Variants in SEC22C observed in about 807,000 individuals in gnomAD.
SEC22C encodes the protein vesicle-trafficking protein SEC22c.
In SEC22C, 29 loss-of-function variants were observed where a neutral mutation model predicts 34.7. That is an observed-to-expected ratio of 0.84 (90% CI 0.62 to 1.14). The LOEUF is 1.14. Ranked by LOEUF, SEC22C falls within the 50% of genes most tolerant of loss-of-function variation. The probability of loss-of-function intolerance (pLI) is 0.00; values close to 1 mark genes in which losing one functional copy is unlikely to be tolerated. For missense variants in SEC22C, 337 were observed against 369.0 expected (o/e 0.91, Z 0.71); for synonymous variants, 117 against 132.8 (o/e 0.88, Z 0.82).
At position 42,552,160 on chromosome 3, in the gene SEC22C, TTA is replaced by T; in HGVS notation, c.*1086_*1087del. ...AGTAACTTTCCAGAGTATGTGTTAA[TTA>T]TATCTCTATCAAGCTTTAAAAAGTT... On this transcript the variant is annotated 3_prime_UTR_variant, in exon 7 of 7. Coordinates refer to ENST00000264454, the MANE Select transcript of SEC22C (RefSeq NM_032970.4). 2 of 985,350 alleles carry T rather than the reference TTA, an allele frequency of 2.0e-6. No individual in the cohort carries two copies. Among genetic ancestry groups the T allele is most frequent in the Non-Finnish European group, 2.4e-6 (2 of 829,824 alleles). 61.0% of individuals were successfully genotyped at this position (985,350 alleles called of 1,614,324 possible).
Position 42,555,926 on chromosome 3 carries a change from C to T in SEC22C, c.711+4G>A. 3 of 1,611,602 alleles carry T rather than the reference C, an allele frequency of 1.9e-6. No individual in the cohort carries two copies. Among genetic ancestry groups the T allele is most frequent in the Non-Finnish European group, 2.5e-6 (3 of 1,178,080 alleles). On this transcript the variant is annotated splice_donor_region_variant and intron_variant, in intron 6 of 6. Coordinates refer to ENST00000264454, the MANE Select transcript of SEC22C (RefSeq NM_032970.4). Reference sequence around the variant, plus strand: ...TCCACTGACCAAAATATCGTTTCACCCACCTGGAAAATGCAGGCTACGAAA... The same window carrying T: ...TCCACTGACCAAAATATCGTTTCACTCACCTGGAAAATGCAGGCTACGAAA...
chr3:42,572,596 C>A (rs1168708011), intron 1 of SEC22C, among the ~76,000 whole-genome samples: 1 of 152,210 alleles, frequency 6.6e-6, no homozygotes, highest in Non-Finnish European at 1.5e-5. Flanking sequence ...ACAGAGGCCA[C>A]GTAGGGAACC....
intron 2 of SEC22C, chr3:42,566,914 AATCT>A (rs1703283493): frequency 4.0e-6 from 1 of 246,924 alleles, no homozygotes; most frequent in African/African-American, 2.3e-5. Flanking sequence ...TCAATCAATC[AATCT>A]ATCCAATCTA....
intron 1 of SEC22C, 100 bp from the exon 2 acceptor site, chr3:42,569,173 CTTACTA>C (rs749872216): frequency 1.4e-6 from 1 of 721,774 alleles, no homozygotes; most frequent in Non-Finnish European, 2.3e-6. Context: ...CACCCTCATT[CTTACTA>C]TAATTGCAAA....
chr3:42,590,746 C>G (rs17030458), intron 1 of SEC22C: 85,874 of 817,624 alleles, frequency 0.11, 5,254 homozygotes, highest in South Asian at 0.16. Flanking sequence ...CCGAGGAAAG[C>G]GCTGAGTATA....
At chr3:42,588,866 C>A (rs995402192) in intron 1 of SEC22C, among the ~76,000 whole-genome samples, 4 of 152,156 alleles carry the variant, frequency 2.6e-5, no homozygotes, top group African/African-American at 9.7e-5. Flanking sequence ...AGGAGGAAGC[C>A]TGATGTGGAG....
upstream of SEC22C, among the ~76,000 whole-genome samples, chr3:42,586,746 T>A (rs900950189): frequency 6.6e-6 from 1 of 152,220 alleles, no homozygotes; most frequent in Non-Finnish European, 1.5e-5. Flanking sequence ...ATAGTTCCAG[T>A]CAGTTTCTAC....
At chr3:42,600,921 CG>C (rs1705340184) in intron 1 of SEC22C, 1 of 1,044,892 alleles carries the variant, frequency 9.6e-7, no homozygotes, top group African/African-American at 1.7e-5. Flanking sequence ...GCCCCGCCCT[CG>C]CCCCTGCCCT....
Position 42,551,161 on chromosome 3 carries a change from T to C in SEC22C, c.*2087A>G. ...TTGACTTTTAAAGCTTTTTTGTTCTTCTCATTTAAAACATTTTACCTCCCC... is the reference window on the plus strand; with the variant it reads ...TTGACTTTTAAAGCTTTTTTGTTCTCCTCATTTAAAACATTTTACCTCCCC... On this transcript the variant is annotated 3_prime_UTR_variant, in exon 7 of 7. Transcript: ENST00000264454. 1 of 985,354 alleles carries C rather than the reference T, an allele frequency of 1.0e-6. No individual in the cohort carries two copies. Among genetic ancestry groups the C allele is most frequent in the Non-Finnish European group, 1.2e-6 (1 of 829,922 alleles). 61.0% of individuals were successfully genotyped at this position (985,354 alleles called of 1,614,324 possible). A position where few individuals can be genotyped will look rare whatever the true frequency, so the allele number is the denominator to read the frequency against.
At position 42,551,143 on chromosome 3, in the gene SEC22C, T is replaced by C; in HGVS notation, c.*2105A>G. ...CAGCTTCCCAAAGTGTTATTGACTTTTAAAGCTTTTTTGTTCTTCTCATTT... is the reference window on the plus strand; with the variant it reads ...CAGCTTCCCAAAGTGTTATTGACTTCTAAAGCTTTTTTGTTCTTCTCATTT... On this transcript the variant is annotated 3_prime_UTR_variant, in exon 7 of 7. Transcript: ENST00000264454. The C allele has an allele frequency of 1.8e-5, 18 of 985,342 alleles. No homozygotes were observed. Among genetic ancestry groups the C allele is most frequent in the Non-Finnish European group, 1.8e-5 (15 of 829,916 alleles). The allele number at this position is 985,342 out of a possible 1,614,324, so 61.0% of individuals were successfully genotyped here.
intron 1 of SEC22C, among the ~76,000 whole-genome samples, chr3:42,579,001 G>A (rs1488315561): frequency 6.6e-6 from 1 of 152,184 alleles, no homozygotes; most frequent in Non-Finnish European, 1.5e-5. Context: ...AAAGCGGCTG[G>A]GTGCAGTGGC....
rs1702502248 is a variant in SEC22C, at chr3:42,555,931, T to C, written c.710A>G (p.Gln237Arg). 1 of 1,612,770 alleles carries C rather than the reference T, an allele frequency of 6.2e-7. No homozygotes were observed. Among genetic ancestry groups the C allele is most frequent in the Non-Finnish European group, 8.5e-7 (1 of 1,179,002 alleles). ...FLVPFVACIF[Q>R]CYLYLFYSPA... ...TGACCAAAATATCGTTTCACCCACC[T>C]GGAAAATGCAGGCTACGAAAGGAAC... Residue 237 changes from glutamine to arginine, a missense_variant and splice_region_variant, in exon 6 of 7, where the codon CAG becomes CGG. Transcript: ENST00000264454.
intron 2 of SEC22C, among the ~76,000 whole-genome samples, chr3:42,565,450 C>A (rs1220743686): frequency 1.3e-5 from 2 of 152,068 alleles, no homozygotes; most frequent in Non-Finnish European, 1.5e-5. Flanking sequence ...AAAGAGGACC[C>A]CTGGTGTGGG....
chr3:42,588,932 T>C (rs1223844720), intron 1 of SEC22C, among the ~76,000 whole-genome samples: 2 of 152,130 alleles, frequency 1.3e-5, no homozygotes, highest in Admixed American at 6.6e-5. Flanking sequence ...GCTCAGGTGT[T>C]ACCTCACTTC....
At position 42,563,943 on chromosome 3, in the gene SEC22C, T is replaced by C. The variant is rs531038362; in HGVS notation, c.183-257A>G. 4.6e-5 allele frequency: 63 copies of C among 1,365,814 alleles called. No individual in the cohort carries two copies. The African/African-American group carries it at 8.3e-4, about 18-fold the overall frequency. 84.6% of individuals were successfully genotyped at this position (1,365,814 alleles called of 1,614,324 possible). On this transcript the variant is annotated intron_variant, in intron 2 of 6. Transcript: ENST00000264454. ...TATTTATTCATGCATGAGGGATGCATATTCTATTGGGGGAATTAGCCTCAG... is the reference window on the plus strand; with the variant it reads ...TATTTATTCATGCATGAGGGATGCACATTCTATTGGGGGAATTAGCCTCAG...
chr3:42,570,140 A>T (rs962454599), intron 1 of SEC22C, among the ~76,000 whole-genome samples: 8 of 152,152 alleles, frequency 5.3e-5, no homozygotes, highest in Non-Finnish European at 7.4e-5. Flanking sequence ...CTAGGGATGC[A>T]ACCTTATTTG....
At chr3:42,596,231 A>C (rs188091178) in intron 1 of SEC22C, among the ~76,000 whole-genome samples, 1 of 152,152 alleles carries the variant, frequency 6.6e-6, no homozygotes, top group African/African-American at 2.4e-5. Context: ...CATGTTGGTC[A>C]GGCTGGTCTC....
In SEC22C at chr3:42,590,737, C is replaced by A. The variant is rs548776880; in HGVS notation, c.-28+10223G>T. ...CCCCCGGCGTTCTGGGGGCTGGGAC[C>A]GAGGAAAGCGCTGAGTATAGCTCTT... On this transcript the variant is annotated intron_variant, in intron 1 of 6. Transcript: ENST00000417572. 51 of 779,048 alleles carry A rather than the reference C, an allele frequency of 6.5e-5. No homozygotes were observed. In the South Asian group the frequency reaches 7.4e-4, roughly 11 times the overall value. 48.3% of individuals were successfully genotyped at this position (779,048 alleles called of 1,614,324 possible). A position where few individuals can be genotyped will look rare whatever the true frequency, so the allele number is the denominator to read the frequency against.
chr3:42,600,905 G>A, intron 1 of SEC22C: 2 of 885,496 alleles, frequency 2.3e-6, no homozygotes, highest in Non-Finnish European at 3.1e-6. Flanking sequence ...CGCGGACTTC[G>A]TCTCAGCCCC....
Sources: gnomAD v4.1 joint callset for allele counts (sites outside exome capture counted in the v4.1 genomes callset) on GRCh38, gnomAD v4.1.1 for gene constraint, MANE v1.5 for transcripts, NCBI Gene and HGNC (gene_info 2026-07-23, HGNC 2026-07-21) for gene names.